ZKSCAN2: variants seen among roughly 807,000 people sequenced by gnomAD.
ZKSCAN2 encodes the protein zinc finger protein with KRAB and SCAN domains 2.
A neutral mutation model predicts 90.5 loss-of-function variants in ZKSCAN2; 38 were observed. The ratio of observed to expected loss-of-function variants is 0.42; its 90% confidence interval spans 0.32 to 0.55. The LOEUF (loss-of-function observed/expected upper bound fraction) is 0.55, where lower values mean the gene tolerates loss of function less well. ZKSCAN2 is among the 20% of genes least tolerant of loss of function. The probability of loss-of-function intolerance (pLI) is 0.11; values close to 1 mark genes in which losing one functional copy is unlikely to be tolerated. For synonymous variants in ZKSCAN2, 429 were observed against 421.6 expected (o/e 1.02, Z -0.22); for missense variants, 1,167 against 1,202.6 (o/e 0.97, Z 0.44).
chr16:25,251,752 G>A (rs571782071), intron 4 of ZKSCAN2, among the ~76,000 whole-genome samples, 157 bp downstream of exon 4: 46 of 152,286 alleles, frequency 3.0e-4, no homozygotes, highest in Non-Finnish European at 6.0e-4. Flanking sequence ...GGAAGGAGGA[G>A]TGGGTGAGGG....
intron 3 of ZKSCAN2, 60 bp downstream of exon 3, chr16:25,252,886 C>A: frequency 7.2e-7 from 1 of 1,393,980 alleles, no homozygotes; most frequent in Non-Finnish European, 1.0e-6. Flanking sequence ...CCACTGTACT[C>A]CACCGTGGGT....
In ZKSCAN2 at chr16:25,246,919, A is replaced by C. The variant is rs1396043667; in HGVS notation, c.1277T>G (p.Leu426Trp). 6.2e-7 allele frequency: 1 copy of C among 1,614,214 alleles called. No individual in the cohort carries two copies. Among genetic ancestry groups the C allele is most frequent in the African/African-American group, 1.3e-5 (1 of 75,062 alleles). Residue 426 changes from leucine (L) to tryptophan (W), a missense_variant, in exon 5 of 7, where the codon TTG (leucine) becomes TGG (tryptophan). Leu to Trp is a moderately conservative substitution (Grantham distance 61). Coordinates refer to ENST00000328086, the MANE Select transcript of ZKSCAN2 (RefSeq NM_001012981.5). Reference protein sequence around the residue: ...CAFFEDMDALLNPAARAPSTD... With the variant: ...CAFFEDMDALWNPAARAPSTD... ...GGACGGAGCACGGGCTGCAGGGTTC[A>C]ACAAAGCATCCATGTCCTCAAAGAA...
intron 4 of ZKSCAN2, among the ~76,000 whole-genome samples, chr16:25,247,644 T>C (rs779126262): frequency 2.6e-5 from 4 of 152,328 alleles, no homozygotes; most frequent in East Asian, 1.9e-4. Flanking sequence ...GGTAAGAATA[T>C]ATATTTTTAA....
chr16:25,241,623 C>T (rs532741939), intron 6 of ZKSCAN2, among the ~76,000 whole-genome samples: 1 of 152,354 alleles, frequency 6.6e-6, no homozygotes, highest in South Asian at 2.1e-4. Context: ...AAGCCAATTC[C>T]AGACATCACG....
chr16:25,251,534 A>G (rs1260039508), intron 4 of ZKSCAN2, among the ~76,000 whole-genome samples: 1 of 152,238 alleles, frequency 6.6e-6, no homozygotes, highest in Admixed American at 6.5e-5. Flanking sequence ...ATGATACAAA[A>G]GAGATGAACA....
At chr16:25,252,161 G>A (rs574979886) in intron 3 of ZKSCAN2, 126 bp from the exon 4 acceptor site, 17 of 1,010,304 alleles carry the variant, frequency 1.7e-5, no homozygotes, top group African/African-American at 4.9e-5. Flanking sequence ...GATAGTTTGC[G>A]CCAAATGAAG....
In ZKSCAN2 at chr16:25,242,378, C is replaced by CAT. The variant is rs564256409; in HGVS notation, c.1981+1405_1981+1406dup. Among the ~76,000 whole-genome samples, 9 of 152,228 alleles carry CAT rather than the reference C, an allele frequency of 5.9e-5. No individual in the cohort carries two copies. The South Asian group carries it at 1.9e-3, about 32-fold the overall frequency. ...TTCAAGCCTTCATACTATAATTTCC[C>CAT]ATATATATACTAAGCTAGAGTCACT... On this transcript the variant is annotated intron_variant, in intron 6 of 6. Transcript: ENST00000328086.
At chr16:25,255,752 T>C (rs1426757756) in intron 1 of ZKSCAN2, among the ~76,000 whole-genome samples, 1 of 152,188 alleles carries the variant, frequency 6.6e-6, no homozygotes, top group African/African-American at 2.4e-5. Flanking sequence ...CGGCTAATTT[T>C]ATATTTTTTT....
chr16:25,240,117 A>G lies in ZKSCAN2; in HGVS notation c.2603T>C (p.Phe868Ser), dbSNP rs992212575. Reference protein sequence around the residue: ...PYQCGECGKSFTNSSHFSAHR... With the variant: ...PYQCGECGKSSTNSSHFSAHR... ...GGCGCTGAAATGAGAACTGTTGGTG[A>G]AACTTTTCCCACACTCTCCACACTG... Residue 868 changes from phenylalanine to serine, a missense_variant, in exon 7 of 7, where the codon TTC (phenylalanine) becomes TCC (serine). Phe to Ser is a radical substitution (Grantham distance 155). Transcript: ENST00000328086. The G allele has an allele frequency of 6.2e-7, 1 of 1,613,896 alleles. No homozygotes were observed. The highest frequency in any genetic ancestry group is 8.5e-7 in the Non-Finnish European group (1 of 1,179,996).
chr16:25,253,157 T>A, intron 2 of ZKSCAN2, 120 bp from the exon 3 acceptor site: 1 of 809,850 alleles, frequency 1.2e-6, no homozygotes, highest in South Asian at 1.5e-5. Context: ...CACCATTTTA[T>A]CTGTGAGTTC....
rs773754018 is a variant in ZKSCAN2, at chr16:25,244,032, C to T, written c.1734G>A (p.Glu578=). 5.6e-6 allele frequency: 9 copies of T among 1,614,208 alleles called. No homozygotes were observed. In the South Asian group the frequency reaches 7.7e-5, roughly 14 times the overall value. ...CCCGAGAGTTAATCAGGGCATCCAT[C>T]TCCTTGTAGAACGCGCAGGACTCTA... The part of the protein sequence containing the change: ...HVLESCAFYK[E]MDALINSRAS... The change falls in exon 6 of 7, where the codon GAG becomes GAA. Residue 578 remains glutamate, a synonymous_variant. Coordinates refer to ENST00000328086, the MANE Select transcript of ZKSCAN2 (RefSeq NM_001012981.5).
In ZKSCAN2 at chr16:25,243,865, C is replaced by A. The variant is rs779110093; in HGVS notation, c.1901G>T (p.Cys634Phe). ...TTCCTCCTCGCTCATTCTCTCACTG[C>A]AAGAGTCTTCTATTACTGCCTCCTG... ...TSQEAVIEDS[C>F]SERMSEEEIV... is the part of the protein sequence containing the mutation. The change falls in exon 6 of 7, where the codon TGC becomes TTC. Residue 634 changes from cysteine (C) to phenylalanine (F), a missense_variant. Coordinates refer to ENST00000328086, the MANE Select transcript of ZKSCAN2 (RefSeq NM_001012981.5). The A allele has an allele frequency of 6.2e-7, 1 of 1,614,114 alleles. No individual in the cohort carries two copies. Among genetic ancestry groups the A allele is most frequent in the South Asian group, 1.1e-5 (1 of 91,088 alleles).
chr16:25,255,490 G>T, intron 1 of ZKSCAN2, 98 bp from the exon 2 acceptor site: 1 of 1,333,620 alleles, frequency 7.5e-7, no homozygotes, highest in Non-Finnish European at 1.0e-6. Flanking sequence ...AGAGACATGA[G>T]AAGGAATGAA....
rs769487211 is a variant in ZKSCAN2 at position 25,252,996 on chromosome 16, T to A, written c.628A>T (p.Asn210Tyr). ...PWVPALADEW[N>Y]TLDQEVTTTR... is the part of the protein sequence containing the mutation. The stretch of plus-strand genomic sequence containing the variant: ...GTTGTCACTTCCTGATCTAGGGTAT[T>A]CCATTCATCAGCAAGGGCAGGAACC... Residue 210 changes from asparagine to tyrosine, a missense_variant, in exon 3 of 7, where the codon AAT (asparagine) becomes TAT (tyrosine). By Grantham distance (143) the Asn-to-Tyr change is moderately radical (BLOSUM62 -2). Coordinates refer to ENST00000328086, the MANE Select transcript of ZKSCAN2 (RefSeq NM_001012981.5). 1 of 1,614,066 alleles carries A rather than the reference T, an allele frequency of 6.2e-7. No homozygotes were observed. The highest frequency in any genetic ancestry group is 1.7e-5 in the Admixed American group (1 of 60,016).
In ZKSCAN2 at chr16:25,239,416, C is replaced by T. The variant is rs760213585; in HGVS notation, c.*400G>A. On this transcript the variant is annotated 3_prime_UTR_variant, in exon 7 of 7. Transcript: ENST00000328086. ...CTATCTAAATGTGAAAATCTGTTAT[C>T]AAGTTTCATCCAGGATCTCACGGAG... is the stretch of plus-strand genomic sequence containing the variant. The T allele has an allele frequency of 1.7e-4, 28 of 161,226 alleles. No homozygotes were observed. The highest frequency in any genetic ancestry group is 2.4e-4 in the Admixed American group (4 of 16,902). The allele number at this position is 161,226 out of a possible 1,614,324, so 10.0% of individuals were successfully genotyped here. A position where few individuals can be genotyped will look rare whatever the true frequency, so the allele number is the denominator to read the frequency against.
At chr16:25,245,252 G>A (rs1264552762) in intron 5 of ZKSCAN2, among the ~76,000 whole-genome samples, 13 of 152,154 alleles carry the variant, frequency 8.5e-5, no homozygotes, top group African/African-American at 3.1e-4. Context: ...CTACAGGAGT[G>A]TGCCACCATG....
intron 1 of ZKSCAN2, among the ~76,000 whole-genome samples, chr16:25,255,743 G>A (rs564129186): frequency 3.2e-4 from 48 of 152,178 alleles, no homozygotes; most frequent in African/African-American, 1.1e-3. Context: ...CAACACAACC[G>A]GCTAATTTTA....
chr16:25,249,418 G>A (rs573494615), intron 4 of ZKSCAN2, among the ~76,000 whole-genome samples: 2 of 152,098 alleles, frequency 1.3e-5, no homozygotes, highest in South Asian at 4.2e-4. Flanking sequence ...CAAGTAGCTG[G>A]GATTACAGGC....
rs748351738 is a variant in ZKSCAN2, at chr16:25,247,051, C to T, written c.1145G>A (p.Arg382Gln). 9.9e-6 allele frequency: 16 copies of T among 1,614,204 alleles called. No individual in the cohort carries two copies. Among genetic ancestry groups the T allele is most frequent in the South Asian group, 3.3e-5 (3 of 91,086 alleles). ...TGGGGTTCTAAGGAAGCCACATTCT[C>T]GCAACCATTCAGCCACAGCACCATA... ...QVYGAVAEWL[R>Q]ECGFLRTPEQ... The change falls in exon 5 of 7, where the codon CGA becomes CAA. Residue 382 changes from arginine to glutamine, a missense_variant. Transcript: ENST00000328086.
Sources: gnomAD v4.1 joint callset for allele counts (sites outside exome capture counted in the v4.1 genomes callset) on GRCh38, gnomAD v4.1.1 for gene constraint, MANE v1.5 for transcripts, NCBI Gene and HGNC (gene_info 2026-07-23, HGNC 2026-07-21) for gene names.